The following VAV1 variants were observed in gnomAD, a reference collection of about 807,000 sequenced individuals.
The protein encoded by VAV1 is proto-oncogene vav.
Under a neutral mutation model 128.1 loss-of-function variants are expected in VAV1, and 33 were observed. The observed-to-expected ratio is 0.26, with a 90% CI of 0.20 to 0.34. The LOEUF (loss-of-function observed/expected upper bound fraction) is 0.34, where lower values mean the gene tolerates loss of function less well. Among genes scored for constraint, VAV1 ranks in the 10% least tolerant of loss-of-function variants. The pLI is 1.00. For synonymous variants in VAV1, 394 were observed against 409.8 expected, an observed-to-expected ratio of 0.96 and a Z score of 0.47; for missense variants, 715 against 1,093.7, an observed-to-expected ratio of 0.65 and a Z score of 4.88.
intron 1 of VAV1, among the ~76,000 whole-genome samples, chr19:6,779,218 A>G (rs1840738163): frequency 1.3e-5 from 2 of 150,796 alleles, no homozygotes; most frequent in South Asian, 2.1e-4. Context: ...ATACCTGGCT[A>G]ATTTTTTATT....
intron 1 of VAV1, among the ~76,000 whole-genome samples, chr19:6,797,231 C>CA (rs34227069): frequency 4.7e-4 from 60 of 126,380 alleles, no homozygotes; most frequent in Middle Eastern, 4.0e-3. Context: ...GACTCAGTAT[C>CA]AAAAAAAAAA....
chr19:6,798,659 T>TTCC (rs1971193983), intron 1 of VAV1, among the ~76,000 whole-genome samples: 2 of 145,324 alleles, frequency 1.4e-5, no homozygotes, highest in African/African-American at 2.6e-5. Flanking sequence ...TTTCTCCCCT[T>TTCC]CCCCCCCCCA....
At chr19:6,836,315 T>C in intron 19 of VAV1, 117 bp from the exon 20 acceptor site, 2 of 1,321,978 alleles carry the variant, frequency 1.5e-6, no homozygotes, top group South Asian at 1.5e-5. Context: ...CACGTCCTTG[T>C]CAACACTTAG....
chr19:6,795,183 C>T (rs1408900650), intron 1 of VAV1, among the ~76,000 whole-genome samples: 1 of 152,068 alleles, frequency 6.6e-6, no homozygotes, highest in East Asian at 1.9e-4. Flanking sequence ...CTCTTCCTAC[C>T]CTAGGCACCA....
chr19:6,854,347 G>T (rs1972743259), intron 26 of VAV1, among the ~76,000 whole-genome samples: 1 of 152,182 alleles, frequency 6.6e-6, no homozygotes, highest in Non-Finnish European at 1.5e-5. Context: ...TACAAGGATT[G>T]CCCTCATGAA....
chr19:6,855,803 A>ATCTG (rs1237754378), intron 26 of VAV1, among the ~76,000 whole-genome samples: 20 of 6,550 alleles, frequency 3.1e-3, no homozygotes, highest in Admixed American at 9.1e-3. Context: ...CCACCCATTC[A>ATCTG]TCTATCTATC....
intron 1 of VAV1, among the ~76,000 whole-genome samples, chr19:6,773,799 G>A (rs1970555896): frequency 6.6e-6 from 1 of 152,156 alleles, no homozygotes; most frequent in Non-Finnish European, 1.5e-5. Context: ...GGGTGGGCGT[G>A]TGATGTGGCT....
At chr19:6,803,633 C>T (rs1012365329) in intron 1 of VAV1, among the ~76,000 whole-genome samples, 43 of 151,794 alleles carry the variant, frequency 2.8e-4, no homozygotes, top group Admixed American at 1.5e-3. Flanking sequence ...GGTGTGGTCT[C>T]GGCTCACTGC....
chr19:6,840,346 C>T (rs1393777455), intron 21 of VAV1, among the ~76,000 whole-genome samples: 1 of 150,710 alleles, frequency 6.6e-6, no homozygotes, highest in Non-Finnish European at 1.5e-5. Context: ...CGCTCTGTCA[C>T]CCAAGCTGGA....
At chr19:6,827,703 A>G (rs903869432) in intron 9 of VAV1, among the ~76,000 whole-genome samples, 3 of 150,386 alleles carry the variant, frequency 2.0e-5, no homozygotes, top group East Asian at 2.0e-4. Flanking sequence ...GGTTCAAGCA[A>G]TTCTCCTGCC....
Position 6,828,292 on chromosome 19 carries a change from G to T in VAV1, c.1023+121G>T, listed in dbSNP as rs867112305. The T allele has an allele frequency of 4.6e-6, 7 of 1,510,920 alleles. No individual in the cohort carries two copies. The Admixed American group carries it at 1.1e-4, about 24-fold the overall frequency. 93.6% of individuals were successfully genotyped at this position (1,510,920 alleles called of 1,614,324 possible). On this transcript the variant is annotated intron_variant, in intron 10 of 26. Transcript: ENST00000602142. The surrounding 1 kb of genome is among the most constrained non-coding windows in gnomAD (Gnocchi z 4.5). ...GGACGCTCGGGGATGGGTCACTGGGGTCATGTCTCAGCCTCCAGGGTCAGC... is the reference window on the plus strand; with the variant it reads ...GGACGCTCGGGGATGGGTCACTGGGTTCATGTCTCAGCCTCCAGGGTCAGC...
intron 1 of VAV1, among the ~76,000 whole-genome samples, chr19:6,808,932 C>T (rs1045847152): frequency 6.6e-5 from 10 of 152,130 alleles, no homozygotes; most frequent in South Asian, 2.1e-4. Context: ...CACGGTCTCT[C>T]ATCCTCTGGC....
chr19:6,787,842 C>T (rs1364069824), intron 1 of VAV1, among the ~76,000 whole-genome samples: 3 of 151,884 alleles, frequency 2.0e-5, no homozygotes, highest in Admixed American at 6.6e-5. Flanking sequence ...TTTGGGAGGC[C>T]GAGGCAGGTG....
intron 1 of VAV1, among the ~76,000 whole-genome samples, chr19:6,809,013 A>T (rs1971457445): frequency 6.6e-6 from 1 of 151,932 alleles, no homozygotes; most frequent in Non-Finnish European, 1.5e-5. Context: ...CAAAGCCTCT[A>T]TGGGCTAAAG....
At chr19:6,817,555 T>A (rs1341986388) in intron 1 of VAV1, among the ~76,000 whole-genome samples, 2 of 152,034 alleles carry the variant, frequency 1.3e-5, no homozygotes, top group African/African-American at 4.8e-5. Context: ...AACAGAACGA[T>A]GGCCCTCCCC....
intron 1 of VAV1, among the ~76,000 whole-genome samples, chr19:6,789,713 T>C (rs1018415574): frequency 6.6e-6 from 1 of 152,200 alleles, no homozygotes; most frequent in Non-Finnish European, 1.5e-5. Context: ...TTCTCCTGCC[T>C]TGGCCTCCAG....
At chr19:6,805,937 T>C (rs762533090) in intron 1 of VAV1, among the ~76,000 whole-genome samples, 20 of 152,060 alleles carry the variant, frequency 1.3e-4, no homozygotes, top group Non-Finnish European at 2.9e-4. Context: ...TATGGGCTGA[T>C]TCCCTCAACT....
chr19:6,784,597 G>T (rs1295060050), intron 1 of VAV1, among the ~76,000 whole-genome samples: 1 of 151,294 alleles, frequency 6.6e-6, no homozygotes, highest in Non-Finnish European at 1.5e-5. Context: ...GGGTTCAAGC[G>T]ATTCTCCTGC....
intron 1 of VAV1, among the ~76,000 whole-genome samples, chr19:6,799,556 ACC>A (rs929758346): frequency 6.6e-6 from 1 of 151,972 alleles, no homozygotes; most frequent in African/African-American, 2.4e-5. Flanking sequence ...GCATCCATCA[ACC>A]CATCATCTAC....
Sources: gnomAD v4.1 joint callset for allele counts (sites outside exome capture counted in the v4.1 genomes callset) on GRCh38, gnomAD v4.1.1 for gene constraint, Gnocchi (gnomAD v3.1) non-coding constraint, MANE v1.5 for transcripts, NCBI Gene and HGNC (gene_info 2026-07-23, HGNC 2026-07-21) for gene names.